Variants in HHAT observed in about 807,000 individuals in gnomAD.
HHAT encodes protein-cysteine N-palmitoyltransferase HHAT.
HHAT carries 47 observed loss-of-function variants against 70.8 expected under a neutral mutation model. The ratio of observed to expected loss-of-function variants is 0.66; its 90% CI spans 0.53 to 0.85. The LOEUF (loss-of-function observed/expected upper bound fraction) is 0.85, where lower values mean the gene tolerates loss of function less well. Ranked by LOEUF, HHAT falls within the 40% of genes least tolerant of loss-of-function variation. The pLI is 0.00. For synonymous variants in HHAT, 228 were observed against 247.6 expected (o/e 0.92, Z 0.74); for missense variants, 609 against 604.8 (o/e 1.01, Z -0.07).
chr1:210,463,139 CTTTTTT>C (rs11462094), intron 7 of HHAT: 3 of 142,018 alleles, frequency 2.1e-5, no homozygotes, highest in Non-Finnish European at 4.6e-5. Context: ...GTGAGTTTTC[CTTTTTT>C]TTTTTTTTTT....
intron 9 of HHAT, among the ~76,000 whole-genome samples, chr1:210,583,356 A>C (rs756430043): frequency 5.9e-5 from 9 of 152,224 alleles, no homozygotes; most frequent in Admixed American, 3.3e-4. Flanking sequence ...TCAACCTGAC[A>C]TAGTCACTGA....
At chr1:210,648,370 C>CAT (rs1674487016) in intron 11 of HHAT, among the ~76,000 whole-genome samples, 1 of 152,164 alleles carries the variant, frequency 6.6e-6, no homozygotes, top group Non-Finnish European at 1.5e-5. Context: ...CTAGTATGAA[C>CAT]ATATAGTCAG....
chr1:210,617,809 A>G (rs72751412), intron 10 of HHAT, among the ~76,000 whole-genome samples: 22,449 of 152,246 alleles, frequency 0.15, 1,703 homozygotes, highest in South Asian at 0.21. Flanking sequence ...AGTTCGGAAA[A>G]TATAACTGCA....
intron 9 of HHAT, among the ~76,000 whole-genome samples, chr1:210,567,626 A>G (rs1267150907): frequency 2.0e-5 from 3 of 152,172 alleles, no homozygotes; most frequent in Non-Finnish European, 4.4e-5. Flanking sequence ...TTATTTCTCC[A>G]TTCCTTTCCA....
At position 210,341,679 on chromosome 1, in the gene HHAT, C is replaced by T. The variant is rs542699812; in HGVS notation, c.-43-7254C>T. ...TGAAAGCAGGTGGAGTGTTAAATTC[C>T]AAAGTAAATGCAAATGCAAGTGGCT... On this transcript the variant is annotated intron_variant, in intron 1 of 11. Transcript: ENST00000261458. 2.0e-5 allele frequency among the ~76,000 whole-genome samples: 3 copies of T among 152,248 alleles called. No individual in the cohort carries two copies. In the East Asian group the frequency reaches 5.8e-4, roughly 29 times the overall value.
At chr1:210,474,784 C>T (rs1241580133) in intron 8 of HHAT, among the ~76,000 whole-genome samples, 1 of 150,414 alleles carries the variant, frequency 6.6e-6, no homozygotes, top group Middle Eastern at 3.2e-3. Flanking sequence ...GGTTGGAGTC[C>T]ACACTTCTTT....
intron 9 of HHAT, among the ~76,000 whole-genome samples, chr1:210,540,972 C>G (rs1017621890): frequency 6.6e-6 from 1 of 152,096 alleles, no homozygotes; most frequent in Admixed American, 6.5e-5. Flanking sequence ...TCCTGAGTAG[C>G]TGCGACTACA....
At chr1:210,544,183 A>T (rs1027203363) in intron 9 of HHAT, among the ~76,000 whole-genome samples, 4 of 152,080 alleles carry the variant, frequency 2.6e-5, no homozygotes, top group African/African-American at 9.7e-5. Flanking sequence ...AGGTGTGGGA[A>T]TCTCTCAAGC....
At chr1:210,485,470 A>G (rs1433199385) in intron 8 of HHAT, among the ~76,000 whole-genome samples, 1 of 151,804 alleles carries the variant, frequency 6.6e-6, no homozygotes, top group East Asian at 1.9e-4. Context: ...TGACACACGG[A>G]CCTCTCCCAC....
At chr1:210,384,728 A>G (rs1029184823) in intron 3 of HHAT, among the ~76,000 whole-genome samples, 1 of 152,184 alleles carries the variant, frequency 6.6e-6, no homozygotes, top group African/African-American at 2.4e-5. Context: ...CCATGGAGGC[A>G]AGAAAGAAAA....
intron 8 of HHAT, among the ~76,000 whole-genome samples, chr1:210,491,223 C>T (rs1379236863): frequency 1.3e-5 from 2 of 152,128 alleles, no homozygotes; most frequent in East Asian, 1.9e-4. Context: ...GCAGGCCCAT[C>T]ACCATCTCTC....
At chr1:210,367,761 G>T (rs2148049509) in intron 3 of HHAT, among the ~76,000 whole-genome samples, 1 of 152,296 alleles carries the variant, frequency 6.6e-6, no homozygotes, top group South Asian at 2.1e-4. Flanking sequence ...TGAGGGTAAT[G>T]CTGATTGCAC....
chr1:210,545,552 C>T (rs181128275), intron 9 of HHAT, among the ~76,000 whole-genome samples: 1 of 151,850 alleles, frequency 6.6e-6, no homozygotes, highest in Non-Finnish European at 1.5e-5. Flanking sequence ...TTCTCCTGCC[C>T]CAGCCTCCTA....
chr1:210,344,574 AGGCCTCAT>A (rs1184483826), intron 1 of HHAT, among the ~76,000 whole-genome samples: 2 of 152,142 alleles, frequency 1.3e-5, no homozygotes, highest in Non-Finnish European at 2.9e-5. Flanking sequence ...TCCCTTTTAA[AGGCCTCAT>A]AAAGTGGCTT....
intron 7 of HHAT, among the ~76,000 whole-genome samples, chr1:210,419,250 C>T (rs569972370): frequency 2.0e-5 from 3 of 152,102 alleles, no homozygotes; most frequent in Admixed American, 2.0e-4. Flanking sequence ...GAATAAATGG[C>T]GTGTGTGTAT....
In HHAT at chr1:210,398,832, G is replaced by T. The variant is rs550235506; in HGVS notation, c.274-1636G>T. On this transcript the variant is annotated intron_variant, in intron 4 of 11. Transcript: ENST00000261458. ...GGACTCTGCCCAGAGGTGAGGGTTT[G>T]AAGCAAATTTATGTGGCTGTTTTCT... Among the ~76,000 whole-genome samples, 76 of 152,304 alleles carry T rather than the reference G, an allele frequency of 5.0e-4. No individual in the cohort carries two copies. The South Asian group carries it at 0.016, about 31-fold the overall frequency.
intron 1 of HHAT, among the ~76,000 whole-genome samples, chr1:210,346,957 A>C (rs1362821824): frequency 6.6e-6 from 1 of 152,252 alleles, no homozygotes; most frequent in Non-Finnish European, 1.5e-5. Flanking sequence ...TGTGATGTCT[A>C]GCTATACATT....
rs1228186782 is a variant in HHAT, at chr1:210,623,639, G to A, written c.1359G>A (p.Gly453=). Reference sequence around the variant, plus strand: ...TATTTCTTGGGGGCAATGAGGTTGGGAAAACCTACTGGAATAGGATCTTCA... The same window carrying A: ...TATTTCTTGGGGGCAATGAGGTTGGAAAAACCTACTGGAATAGGATCTTCA... ...NLVFLGGNEV[G]KTYWNRIFIQ... Residue 453 remains glycine, a synonymous_variant, in exon 11 of 12, where the codon GGG becomes GGA. Transcript: ENST00000261458. 1 of 1,613,926 alleles carries A rather than the reference G, an allele frequency of 6.2e-7. No homozygotes were observed. The highest frequency in any genetic ancestry group is 8.5e-7 in the Non-Finnish European group (1 of 1,179,974).
rs1324452281 is a variant in HHAT, at chr1:210,386,230, C to CTTTCTTTTTTTTTTTTTTTTTTTTTTTT, written c.160-1235_160-1234insCTTTTTTTTTTTTTTTTTTTTTTTTTTT. On this transcript the variant is annotated intron_variant, in intron 3 of 11. Coordinates refer to ENST00000261458, the MANE Select transcript of HHAT (RefSeq NM_018194.6). ...ATTGCAGGAGTCCTTTTCTTTTTTTCTTTTTTTTTTTTTTTTTTTTTTTTT... is the reference window on the plus strand; with the variant it reads ...ATTGCAGGAGTCCTTTTCTTTTTTTCTTTCTTTTTTTTTTTTTTTTTTTTTTTTTTTTTTTTTTTTTTTTTTTTTTTTT... Among the ~76,000 whole-genome samples the CTTTCTTTTTTTTTTTTTTTTTTTTTTTT allele has an allele frequency of 2.9e-4, 20 of 69,920 alleles. 3 individuals are homozygous for CTTTCTTTTTTTTTTTTTTTTTTTTTTTT. Among genetic ancestry groups the CTTTCTTTTTTTTTTTTTTTTTTTTTTTT allele is most frequent in the South Asian group, 6.3e-4 (1 of 1,596 alleles). The allele number at this position is 69,920 out of a possible 152,430, so 45.9% of individuals were successfully genotyped here.
Sources: allele counts gnomAD v4.1 joint callset (sites outside exome capture counted in the v4.1 genomes callset), GRCh38; gene constraint gnomAD v4.1.1; transcripts MANE v1.5; gene names NCBI Gene and HGNC (gene_info 2026-07-23, HGNC 2026-07-21).